Variants in PRIM2 observed in about 807,000 individuals in gnomAD.
The protein encoded by PRIM2 is DNA primase large subunit.
Under a neutral mutation model 67.3 loss-of-function variants are expected in PRIM2, and 39 were observed. The ratio of observed to expected loss-of-function variants is 0.58; its 90% CI spans 0.45 to 0.76. The LOEUF (loss-of-function observed/expected upper bound fraction) is 0.76. Among genes scored for constraint, PRIM2 ranks in the 30% least tolerant of loss-of-function variants. PRIM2 has a pLI of 0.00. For synonymous variants in PRIM2, 143 were observed against 198.7 expected (o/e 0.72, Z 2.36); for missense variants, 398 against 598.7 (o/e 0.66, Z 3.50).
At chr6:57,511,529 G>A (rs1428572173) in intron 8 of PRIM2, among the ~76,000 whole-genome samples, 2 of 152,220 alleles carry the variant, frequency 1.3e-5, no homozygotes, top group South Asian at 2.1e-4. Context: ...TGTCTCCCTC[G>A]TGGAATTATC....
chr6:57,443,501 G>T (rs1429917492), intron 7 of PRIM2, among the ~76,000 whole-genome samples: 1 of 152,290 alleles, frequency 6.6e-6, no homozygotes, highest in East Asian at 1.9e-4. Context: ...CTAATAATTA[G>T]TGAAGTTGAA....
chr6:57,560,639 A>T (rs1775607254), intron 10 of PRIM2, among the ~76,000 whole-genome samples: 1 of 149,782 alleles, frequency 6.7e-6, no homozygotes, highest in African/African-American at 2.5e-5. Context: ...ATCCATGGGC[A>T]GCAGAATGGA....
intron 10 of PRIM2, among the ~76,000 whole-genome samples, chr6:57,573,374 A>C (rs1309857995): frequency 6.6e-6 from 1 of 152,326 alleles, no homozygotes; most frequent in African/African-American, 2.4e-5. Context: ...AAGTTGTCCT[A>C]TCAGAACACC....
intron 7 of PRIM2, among the ~76,000 whole-genome samples, chr6:57,486,336 C>T (rs1350114134): frequency 6.6e-6 from 1 of 152,212 alleles, no homozygotes; most frequent in Non-Finnish European, 1.5e-5. Context: ...TCATGGTCAT[C>T]GCCAAGGTCT....
chr6:57,349,133 C>G (rs1768776501), intron 5 of PRIM2, among the ~76,000 whole-genome samples: 1 of 152,164 alleles, frequency 6.6e-6, no homozygotes, highest in Non-Finnish European at 1.5e-5. Context: ...GAATCTACAA[C>G]TAAACACTGT....
intron 7 of PRIM2, among the ~76,000 whole-genome samples, chr6:57,453,686 G>A (rs1422108056): frequency 6.6e-6 from 1 of 152,146 alleles, no homozygotes; most frequent in Admixed American, 6.6e-5. Flanking sequence ...GAGATTTTGG[G>A]CTGAGACAAT....
chr6:57,229,110 G>T, the PRIM2 span, among the ~76,000 whole-genome samples: 1 of 152,162 alleles, frequency 6.6e-6, no homozygotes, highest in African/African-American at 2.4e-5. Flanking sequence ...AGTATTTAGT[G>T]TGCTACTTCA....
At chr6:57,468,387 T>C (rs2127400655) in intron 7 of PRIM2, among the ~76,000 whole-genome samples, 1 of 152,272 alleles carries the variant, frequency 6.6e-6, no homozygotes, top group South Asian at 2.1e-4. Context: ...TTGAGATAAC[T>C]GTGTGGTTTT....
At chr6:57,304,351 G>T in the PRIM2 span, among the ~76,000 whole-genome samples, 2 of 152,178 alleles carry the variant, frequency 1.3e-5, no homozygotes, top group Admixed American at 6.5e-5. Context: ...CTTTACAAGT[G>T]CCAATACTGT....
intron 8 of PRIM2, among the ~76,000 whole-genome samples, chr6:57,517,123 A>G (rs1554348361): frequency 1.3e-5 from 2 of 152,176 alleles, no homozygotes; most frequent in Admixed American, 1.3e-4. Context: ...GCTGGAAAGT[A>G]AAATTTATGA....
chr6:57,559,978 T>C (rs1279084113), intron 10 of PRIM2, among the ~76,000 whole-genome samples: 1 of 152,130 alleles, frequency 6.6e-6, no homozygotes, highest in East Asian at 1.9e-4. Flanking sequence ...TCTTACAATT[T>C]CTTAAAATAA....
chr6:57,423,375 A>T (rs1771523255), intron 7 of PRIM2, among the ~76,000 whole-genome samples: 1 of 152,214 alleles, frequency 6.6e-6, no homozygotes, highest in African/African-American at 2.4e-5. Flanking sequence ...AAAATTAATC[A>T]GAGTCAAGCA....
intron 5 of PRIM2, among the ~76,000 whole-genome samples, chr6:57,360,069 G>A (rs1316139848): frequency 2.0e-5 from 3 of 152,176 alleles, no homozygotes; most frequent in African/African-American, 7.2e-5. Context: ...TAGCCCCTTA[G>A]AGTTTGCCAA....
intron 10 of PRIM2, among the ~76,000 whole-genome samples, chr6:57,570,298 T>G (rs1775838174): frequency 6.6e-6 from 1 of 152,366 alleles, no homozygotes; most frequent in South Asian, 2.1e-4. Context: ...GCCAAATGCC[T>G]TTGTTTCGTC....
the PRIM2 span, among the ~76,000 whole-genome samples, chr6:57,275,764 G>A: frequency 2.0e-4 from 31 of 152,310 alleles, 1 homozygote; most frequent in African/African-American, 7.5e-4. Context: ...GGAGAGTGCT[G>A]GCTCTGTTGG....
the PRIM2 span, among the ~76,000 whole-genome samples, chr6:57,275,059 C>T: frequency 5.3e-5 from 8 of 151,902 alleles, no homozygotes; most frequent in South Asian, 2.1e-4. Flanking sequence ...TGAGCCACTG[C>T]GCCCAGCCCC....
intron 10 of PRIM2, among the ~76,000 whole-genome samples, chr6:57,557,008 C>A: frequency 7.3e-6 from 1 of 137,842 alleles, no homozygotes; most frequent in Non-Finnish European, 1.6e-5. Context: ...ATGTGGCCAA[C>A]AAGCATAGGA....
chr6:57,599,412 C>T (rs1464446844), intron 10 of PRIM2, among the ~76,000 whole-genome samples: 1 of 151,616 alleles, frequency 6.6e-6, no homozygotes, highest in East Asian at 1.9e-4. Context: ...CATAACTTCT[C>T]TCTTTCAGAC....
chr6:57,490,950 G>T (rs1773874712), intron 7 of PRIM2, among the ~76,000 whole-genome samples: 1 of 152,160 alleles, frequency 6.6e-6, no homozygotes, highest in African/African-American at 2.4e-5. Context: ...TGGAGGGAGA[G>T]AGATAATAGT....
Sources: gnomAD v4.1 joint callset for allele counts (sites outside exome capture counted in the v4.1 genomes callset) on GRCh38, gnomAD v4.1.1 for gene constraint, MANE v1.5 for transcripts, NCBI Gene and HGNC (gene_info 2026-07-23, HGNC 2026-07-21) for gene names.